SH3RF3: variants seen among roughly 807,000 people sequenced by gnomAD.
SH3RF3 encodes SH3 domain containing ring finger 3.
SH3RF3 carries 29 observed loss-of-function variants against 66.3 expected under a neutral mutation model. The ratio of observed to expected loss-of-function variants is 0.44; its 90% CI spans 0.33 to 0.60. The LOEUF is 0.60. Among genes scored for constraint, SH3RF3 ranks in the 20% least tolerant of loss-of-function variants. The probability of loss-of-function intolerance (pLI) is 0.04; values close to 1 mark genes in which losing one functional copy is unlikely to be tolerated. For synonymous variants in SH3RF3, 583 were observed against 532.0 expected, an observed-to-expected ratio of 1.10 and a Z score of -1.32; for missense variants, 1,194 against 1,190.9, an observed-to-expected ratio of 1.00 and a Z score of -0.04.
At position 109,175,513 on chromosome 2, in the gene SH3RF3, G is replaced by A. The variant is rs1677896755; in HGVS notation, c.573+45400G>A. The stretch of plus-strand genomic sequence containing the variant: ...TTTACTCAACAAGTATTAACTGAGA[G>A]CAAACAAGGATGAGCTCATGGCTCC... On this transcript the variant is annotated intron_variant, in intron 1 of 9. Transcript: ENST00000309415. 3.3e-5 allele frequency among the ~76,000 whole-genome samples: 5 copies of A among 152,340 alleles called. No homozygotes were observed. In the South Asian group the frequency reaches 1.0e-3, roughly 32 times the overall value.
At chr2:109,164,813 C>A (rs1221847110) in intron 1 of SH3RF3, among the ~76,000 whole-genome samples, 2 of 152,182 alleles carry the variant, frequency 1.3e-5, no homozygotes, top group Non-Finnish European at 2.9e-5. Flanking sequence ...CCTATTGAGC[C>A]AGGAAGTGAG....
intron 1 of SH3RF3, among the ~76,000 whole-genome samples, chr2:109,230,468 T>G (rs961647221): frequency 2.0e-5 from 3 of 152,106 alleles, no homozygotes; most frequent in Non-Finnish European, 4.4e-5. Context: ...TTATCCCAGT[T>G]ACTCGGGGGG....
chr2:109,447,647 C>A (rs772772828), intron 7 of SH3RF3, among the ~76,000 whole-genome samples: 1 of 152,164 alleles, frequency 6.6e-6, no homozygotes, highest in Non-Finnish European at 1.5e-5. Flanking sequence ...ACCCAGGACA[C>A]AAGTCACCAT....
intron 1 of SH3RF3, among the ~76,000 whole-genome samples, chr2:109,194,539 T>A (rs868315025): frequency 6.6e-6 from 1 of 152,186 alleles, no homozygotes; most frequent in Non-Finnish European, 1.5e-5. Context: ...CCAGCAGCAC[T>A]GAAGGGCGAG....
At chr2:109,475,821 A>T (rs1573283523) in intron 8 of SH3RF3, among the ~76,000 whole-genome samples, 1 of 152,054 alleles carries the variant, frequency 6.6e-6, no homozygotes, top group Non-Finnish European at 1.5e-5. Context: ...GAGTGTCAGC[A>T]CTCTGGGGCC....
At chr2:109,148,706 G>A (rs1677155470) in intron 1 of SH3RF3, among the ~76,000 whole-genome samples, 2 of 152,250 alleles carry the variant, frequency 1.3e-5, no homozygotes, top group Non-Finnish European at 1.5e-5. Flanking sequence ...GGCTGAAGAA[G>A]CAGAGCGTAA....
At chr2:109,245,795 C>A (rs1336798046) in intron 1 of SH3RF3, among the ~76,000 whole-genome samples, 1 of 152,154 alleles carries the variant, frequency 6.6e-6, no homozygotes, top group Non-Finnish European at 1.5e-5. Context: ...GTTAAAGTTG[C>A]CTCAGGGGGA....
intron 8 of SH3RF3, among the ~76,000 whole-genome samples, chr2:109,478,100 A>G (rs1330258801): frequency 6.6e-6 from 1 of 152,246 alleles, no homozygotes; most frequent in Admixed American, 6.5e-5. Context: ...GGGCCCTGCC[A>G]AGGGCTTTGA....
chr2:109,456,154 T>C (rs1414198664), intron 8 of SH3RF3, among the ~76,000 whole-genome samples: 1 of 152,186 alleles, frequency 6.6e-6, no homozygotes, highest in Non-Finnish European at 1.5e-5. Flanking sequence ...TGGTCAGCCA[T>C]GGGCCATGGA....
At chr2:109,500,878 A>C (rs1285241422) in intron 9 of SH3RF3, among the ~76,000 whole-genome samples, 1 of 152,110 alleles carries the variant, frequency 6.6e-6, no homozygotes, top group Non-Finnish European at 1.5e-5. Context: ...TGAGCCTGGG[A>C]GCTCAAGGCT....
At chr2:109,142,927 C>T (rs1344169916) in intron 1 of SH3RF3, among the ~76,000 whole-genome samples, 4 of 152,144 alleles carry the variant, frequency 2.6e-5, no homozygotes, top group Non-Finnish European at 1.5e-5. Context: ...AATTGTCGTG[C>T]TGACAGATAC....
intron 1 of SH3RF3, among the ~76,000 whole-genome samples, chr2:109,242,036 G>A (rs767375130): frequency 2.0e-5 from 3 of 151,920 alleles, no homozygotes; most frequent in African/African-American, 2.4e-5. Flanking sequence ...CCAGTCCTTC[G>A]TCCTGCAAGT....
chr2:109,154,202 G>A (rs181188507), intron 1 of SH3RF3, among the ~76,000 whole-genome samples: 2 of 152,324 alleles, frequency 1.3e-5, no homozygotes, highest in East Asian at 3.9e-4. Flanking sequence ...GGTCTAATCA[G>A]GCCTAGCATC....
rs753581381 is a variant in SH3RF3 at position 109,501,545 on chromosome 2, G to A, written c.2523G>A (p.Glu841=). 1 of 779,656 alleles carries A rather than the reference G, an allele frequency of 1.3e-6. No homozygotes were observed. The highest frequency in any genetic ancestry group is 1.3e-5 in the South Asian group (1 of 74,152). 48.3% of individuals were successfully genotyped at this position (779,656 alleles called of 1,614,324 possible). A position where few individuals can be genotyped will look rare whatever the true frequency, so the allele number is the denominator to read the frequency against. ...CGTACCCACCCCAGAGTGAGGCGGA[G>A]ATCGAGCTGAAGGAAGGCGACATCG... is the stretch of plus-strand genomic sequence containing the variant. The part of the protein sequence containing the change: ...VVSYPPQSEA[E]IELKEGDIVF... Residue 841 remains glutamate, a synonymous_variant, in exon 10 of 10, where the codon GAG becomes GAA. Coordinates refer to ENST00000309415, the MANE Select transcript of SH3RF3 (RefSeq NM_001099289.3).
chr2:109,481,609 C>T (rs1162163793), intron 8 of SH3RF3, among the ~76,000 whole-genome samples: 1 of 152,138 alleles, frequency 6.6e-6, no homozygotes, highest in Non-Finnish European at 1.5e-5. Context: ...GCGCTTCATC[C>T]CTCCACTCAG....
intron 1 of SH3RF3, among the ~76,000 whole-genome samples, chr2:109,281,992 G>A (rs1016187299): frequency 2.6e-5 from 4 of 152,084 alleles, no homozygotes; most frequent in East Asian, 1.9e-4. Context: ...CCAGGCTTTC[G>A]GGATGCTCCA....
chr2:109,485,691 G>A (rs1415697821), intron 8 of SH3RF3, among the ~76,000 whole-genome samples: 1 of 152,260 alleles, frequency 6.6e-6, no homozygotes. Flanking sequence ...AGTACCACTT[G>A]ATTTCAGGCT....
intron 1 of SH3RF3, among the ~76,000 whole-genome samples, chr2:109,338,668 C>T (rs1182332914): frequency 6.6e-6 from 1 of 152,212 alleles, no homozygotes; most frequent in Non-Finnish European, 1.5e-5. Flanking sequence ...GGCAGTTCTC[C>T]TGCCTCAGCC....
At chr2:109,498,404 G>T (rs1679306738) in intron 9 of SH3RF3, among the ~76,000 whole-genome samples, 1 of 152,164 alleles carries the variant, frequency 6.6e-6, no homozygotes, top group Admixed American at 6.5e-5. Flanking sequence ...GGGCCTGTGT[G>T]CCCAGGGGCT....
Sources: gnomAD v4.1 joint callset for allele counts (sites outside exome capture counted in the v4.1 genomes callset) on GRCh38, gnomAD v4.1.1 for gene constraint, MANE v1.5 for transcripts, NCBI Gene and HGNC (gene_info 2026-07-23, HGNC 2026-07-21) for gene names.